PRKN: variants seen among roughly 807,000 people sequenced by gnomAD.
PRKN encodes the protein E3 ubiquitin-protein ligase parkin.
PRKN carries 56 observed loss-of-function variants against 59.5 expected under a neutral mutation model. The ratio of observed to expected loss-of-function variants is 0.94; its 90% CI spans 0.76 to 1.18. The LOEUF (loss-of-function observed/expected upper bound fraction) is 1.18, where lower values mean the gene tolerates loss of function less well. PRKN is among the 50% of genes most tolerant of loss of function. PRKN has a pLI of 0.00. For synonymous variants in PRKN, 250 were observed against 222.1 expected, an observed-to-expected ratio of 1.13 and a Z score of -1.12; for missense variants, 657 against 596.4, an observed-to-expected ratio of 1.10 and a Z score of -1.06.
At chr6:162,552,645 A>C (rs1562378099) in intron 1 of PRKN, among the ~76,000 whole-genome samples, 1 of 152,044 alleles carries the variant, frequency 6.6e-6, no homozygotes, top group Non-Finnish European at 1.5e-5. Flanking sequence ...ATCCGCGTGG[A>C]GTTGTCAGGT....
chr6:161,481,869 T>G (rs772955082), intron 9 of PRKN, among the ~76,000 whole-genome samples: 1 of 151,934 alleles, frequency 6.6e-6, no homozygotes, highest in Non-Finnish European at 1.5e-5. Flanking sequence ...TTGGGCAATT[T>G]TTCAAAGAAG....
At chr6:162,010,501 A>AATATATTATATT (rs1782481405) in intron 5 of PRKN, among the ~76,000 whole-genome samples, 1 of 44,304 alleles carries the variant, frequency 2.3e-5, no homozygotes, top group Non-Finnish European at 3.5e-5. Flanking sequence ...TATATTATAT[A>AATATATTATATT]ATATATTATA....
At position 161,457,095 on chromosome 6, in the gene PRKN, C is replaced by T. The variant is rs1012400460; in HGVS notation, c.1084-70218G>A. 6.6e-5 allele frequency among the ~76,000 whole-genome samples: 10 copies of T among 152,338 alleles called. No homozygotes were observed. Among genetic ancestry groups the T allele is most frequent in the Non-Finnish European group, 1.3e-4 (9 of 68,036 alleles). On this transcript the variant is annotated intron_variant, in intron 9 of 11. Coordinates refer to ENST00000366898, the MANE Select transcript of PRKN (RefSeq NM_004562.3). This position sits in a 1 kb window ranked among gnomAD's most constrained non-coding sequence, Gnocchi z 5.0. ...AAATATCCACTGAGCGTCTTCGCTA[C>T]GCAAGGCTCTCTTCCAGACCGCTTG...
rs1788189002 is a variant in PRKN at position 161,423,374 on chromosome 6, T to C, written c.1084-36497A>G. ...GTGTAACTTGCAGCTTACATGTAAATAATTCGGAGGTGAGTACTGCGATGC... is the reference window on the plus strand; with the variant it reads ...GTGTAACTTGCAGCTTACATGTAAACAATTCGGAGGTGAGTACTGCGATGC... On this transcript the variant is annotated intron_variant, in intron 9 of 11. Coordinates refer to ENST00000366898, the MANE Select transcript of PRKN (RefSeq NM_004562.3). This position sits in a 1 kb window ranked among gnomAD's most constrained non-coding sequence, Gnocchi z 5.9. Among the ~76,000 whole-genome samples, 1 of 152,182 alleles carries C rather than the reference T, an allele frequency of 6.6e-6. No homozygotes were observed. The highest frequency in any genetic ancestry group is 2.4e-5 in the African/African-American group (1 of 41,438).
intron 2 of PRKN, among the ~76,000 whole-genome samples, chr6:162,311,320 C>T (rs150072720): frequency 1.6e-3 from 240 of 152,218 alleles, no homozygotes; most frequent in African/African-American, 5.6e-3. Flanking sequence ...CATTAGCTCA[C>T]AATGACTTCA....
rs558002956 is a variant in PRKN, at chr6:161,669,343, CT to C, written c.872-99928del. Among the ~76,000 whole-genome samples, 570 of 152,286 alleles carry C rather than the reference CT, an allele frequency of 3.7e-3. 3 individuals carry two copies. The highest frequency in any genetic ancestry group is 0.013 in the African/African-American group (540 of 41,560). ...TCTTCACAGTGACCGCCTCCAGCTA[CT>C]TTAATCATGGGACAGCTTCCTCCTC... On this transcript the variant is annotated intron_variant, in intron 7 of 11. Coordinates refer to ENST00000366898, the MANE Select transcript of PRKN (RefSeq NM_004562.3).
intron 3 of PRKN, among the ~76,000 whole-genome samples, chr6:162,261,005 T>C (rs372589610): frequency 6.6e-6 from 1 of 152,250 alleles, no homozygotes; most frequent in East Asian, 1.9e-4. Context: ...GGGACAACTG[T>C]ACATGTGAGA....
Position 161,415,567 on chromosome 6 carries a change from T to C in PRKN, c.1084-28690A>G, listed in dbSNP as rs9365288. Among the ~76,000 whole-genome samples the C allele has an allele frequency of 5.7e-4, 64 of 113,184 alleles. No individual in the cohort carries two copies. The East Asian group carries it at 0.015, about 26-fold the overall frequency. 74.3% of individuals were successfully genotyped at this position (113,184 alleles called of 152,430 possible). On this transcript the variant is annotated intron_variant, in intron 9 of 11. Coordinates refer to ENST00000366898, the MANE Select transcript of PRKN (RefSeq NM_004562.3). ...GGTGTTATAACTCTTTTCTCACGCC[T>C]CTCTTACAATCCTCAGGAAATGTCG... is the stretch of plus-strand genomic sequence containing the variant.
At position 162,670,149 on chromosome 6, in the gene PRKN, C is replaced by CT. The variant is rs763436821; in HGVS notation, c.7+57512dup. 2.9e-4 allele frequency among the ~76,000 whole-genome samples: 44 copies of CT among 152,282 alleles called. 1 individual carries two copies. The highest frequency in any genetic ancestry group is 5.9e-4 in the Non-Finnish European group (40 of 68,014). On this transcript the variant is annotated intron_variant, in intron 1 of 11. Transcript: ENST00000366898. ...TGTATGCAAGTACACACTCAGAACT[C>CT]TATCAATTTCAAACTGCTGTGAAAA...
At chr6:161,553,463 TTCTG>T (rs1295957033) in intron 8 of PRKN, among the ~76,000 whole-genome samples, 1 of 152,090 alleles carries the variant, frequency 6.6e-6, no homozygotes, top group Admixed American at 6.6e-5. Flanking sequence ...TCTTCCTTCT[TTCTG>T]TCTCTCTGTA....
At chr6:161,774,081 G>A (rs1024432359) in intron 7 of PRKN, among the ~76,000 whole-genome samples, 4 of 152,206 alleles carry the variant, frequency 2.6e-5, no homozygotes, top group South Asian at 2.1e-4. Context: ...AAAGATGACC[G>A]AACAGACAGT....
intron 1 of PRKN, among the ~76,000 whole-genome samples, chr6:162,636,413 C>A (rs1433561653): frequency 1.3e-5 from 2 of 152,120 alleles, no homozygotes; most frequent in Non-Finnish European, 2.9e-5. Flanking sequence ...TAAATAAGAT[C>A]TAGTTCTGTT....
intron 2 of PRKN, among the ~76,000 whole-genome samples, chr6:162,330,930 A>G (rs1783542226): frequency 6.6e-6 from 1 of 152,166 alleles, no homozygotes; most frequent in East Asian, 1.9e-4. Context: ...AGTGACTGCA[A>G]TACAGACCCC....
At chr6:162,014,173 C>G (rs976217296) in intron 5 of PRKN, among the ~76,000 whole-genome samples, 1 of 152,158 alleles carries the variant, frequency 6.6e-6, no homozygotes, top group Admixed American at 6.5e-5. Context: ...TGATAAAAAT[C>G]AGCAGACATG....
intron 6 of PRKN, 38 bp downstream of exon 6, chr6:161,973,264 G>C (rs201881954): frequency 3.9e-6 from 5 of 1,291,454 alleles, no homozygotes; most frequent in African/African-American, 2.9e-5. Flanking sequence ...CTTACCTCAC[G>C]TCCGTGGAGG....
chr6:162,118,815 G>A (rs112471315), intron 4 of PRKN, among the ~76,000 whole-genome samples: 18 of 152,358 alleles, frequency 1.2e-4, no homozygotes, highest in African/African-American at 2.9e-4. Flanking sequence ...CAACATGGGC[G>A]TGGAGGTGTC....
intron 7 of PRKN, among the ~76,000 whole-genome samples, chr6:161,613,878 G>A (rs1342810814): frequency 3.3e-5 from 5 of 152,192 alleles, no homozygotes; most frequent in Admixed American, 6.5e-5. Context: ...CGGGCACAGC[G>A]TAGCTCAGCT....
chr6:162,694,237 A>C (rs1777887215), intron 1 of PRKN, among the ~76,000 whole-genome samples: 1 of 10,026 alleles, frequency 1.0e-4, no homozygotes, highest in African/African-American at 4.0e-4. Context: ...ACAGTGAGAC[A>C]AAAAAAAAAA....
At chr6:162,097,936 T>C (rs1779810342) in intron 4 of PRKN, among the ~76,000 whole-genome samples, 1 of 152,198 alleles carries the variant, frequency 6.6e-6, no homozygotes, top group African/African-American at 2.4e-5. Flanking sequence ...TCTTCAAGTT[T>C]TAGGTGATTT....
Sources: gnomAD v4.1 joint callset for allele counts (sites outside exome capture counted in the v4.1 genomes callset) on GRCh38, gnomAD v4.1.1 for gene constraint, Gnocchi (gnomAD v3.1) non-coding constraint, MANE v1.5 for transcripts, NCBI Gene and HGNC (gene_info 2026-07-23, HGNC 2026-07-21) for gene names.